The following FRS2 variants were observed in gnomAD, a reference collection of about 807,000 sequenced individuals.
The protein encoded by FRS2 is fibroblast growth factor receptor substrate 2.
FRS2 carries 8 observed loss-of-function variants against 43.9 expected under a neutral mutation model. The observed-to-expected ratio is 0.18, with a 90% confidence interval of 0.11 to 0.33. The LOEUF is 0.33. Ranked by LOEUF, FRS2 falls within the 10% of genes least tolerant of loss-of-function variation. FRS2 has a pLI of 1.00. For synonymous variants in FRS2, 219 were observed against 220.3 expected (o/e 0.99, Z 0.05); for missense variants, 534 against 627.6 (o/e 0.85, Z 1.59).
At chr12:69,513,085 A>T (rs1175812826) in intron 1 of FRS2, among the ~76,000 whole-genome samples, 1 of 151,618 alleles carries the variant, frequency 6.6e-6, no homozygotes, top group African/African-American at 2.4e-5. Flanking sequence ...CTAATGCATG[A>T]GCATGAACCT....
At chr12:69,560,515 G>A (rs1879794829) in intron 3 of FRS2, among the ~76,000 whole-genome samples, 1 of 152,200 alleles carries the variant, frequency 6.6e-6, no homozygotes, top group African/African-American at 2.4e-5. Context: ...GGGCTTTGGT[G>A]TCAGATCAAA....
At chr12:69,537,216 A>G (rs756045851) in intron 3 of FRS2, among the ~76,000 whole-genome samples, 3 of 152,218 alleles carry the variant, frequency 2.0e-5, no homozygotes, top group Non-Finnish European at 2.9e-5. Flanking sequence ...TTATGCACAC[A>G]TACAGAATTT....
At chr12:69,489,172 C>G (rs1872226410) in intron 1 of FRS2, among the ~76,000 whole-genome samples, 1 of 152,186 alleles carries the variant, frequency 6.6e-6, no homozygotes, top group South Asian at 2.1e-4. Context: ...AGCATGTACT[C>G]TTACCTTCTG....
intron 1 of FRS2, among the ~76,000 whole-genome samples, chr12:69,509,459 T>A (rs569667472): frequency 1.3e-5 from 2 of 152,202 alleles, no homozygotes. Flanking sequence ...ATAACAAAAT[T>A]TACGGCTACA....
chr12:69,513,902 T>A (rs1284917609), intron 1 of FRS2, among the ~76,000 whole-genome samples: 1 of 152,160 alleles, frequency 6.6e-6, no homozygotes, highest in Non-Finnish European at 1.5e-5. Flanking sequence ...TTGAAATAAA[T>A]CTAAATCTGC....
chr12:69,549,575 A>G (rs969025221), intron 3 of FRS2, among the ~76,000 whole-genome samples: 27 of 152,350 alleles, frequency 1.8e-4, no homozygotes, highest in Middle Eastern at 3.4e-3. Flanking sequence ...TTGGGAACTC[A>G]GCATTTAAAG....
chr12:69,547,111 T>A (rs762302946), intron 3 of FRS2, among the ~76,000 whole-genome samples: 1 of 152,202 alleles, frequency 6.6e-6, no homozygotes, highest in Non-Finnish European at 1.5e-5. Flanking sequence ...AATAAGCCAG[T>A]CACACAAAGA....
At chr12:69,476,615 G>C (rs1355689809) in intron 1 of FRS2, among the ~76,000 whole-genome samples, 1 of 152,074 alleles carries the variant, frequency 6.6e-6, no homozygotes, top group South Asian at 2.1e-4. Flanking sequence ...GGTTATGTAA[G>C]TGGAGTCACA....
At chr12:69,521,899 C>T (rs1875696286) in intron 1 of FRS2, among the ~76,000 whole-genome samples, 1 of 152,196 alleles carries the variant, frequency 6.6e-6, no homozygotes. Flanking sequence ...TAGGCGTGAG[C>T]CACCGCGCCC....
chr12:69,563,843 TC>T (rs1375461041), intron 4 of FRS2, among the ~76,000 whole-genome samples: 1 of 152,186 alleles, frequency 6.6e-6, no homozygotes, highest in Non-Finnish European at 1.5e-5. Flanking sequence ...TCCTCTCTCC[TC>T]AGAGAATGAA....
chr12:69,565,099 A>T (rs1259692150), intron 4 of FRS2, among the ~76,000 whole-genome samples: 1 of 152,226 alleles, frequency 6.6e-6, no homozygotes, highest in South Asian at 2.1e-4. Context: ...TACACCTAGG[A>T]TATATGGTAT....
intron 1 of FRS2, among the ~76,000 whole-genome samples, chr12:69,523,637 T>C (rs541296000): frequency 6.5e-4 from 99 of 152,336 alleles, no homozygotes; most frequent in Non-Finnish European, 1.1e-3. Context: ...CTTGTTATGC[T>C]GACTTTTTTG....
At chr12:69,551,383 AGT>A (rs3970808) in intron 3 of FRS2, among the ~76,000 whole-genome samples, 107,489 of 151,876 alleles carry the variant, frequency 0.71, 38,544 homozygotes, top group South Asian at 0.84. Context: ...CCCAACTACC[AGT>A]AATTATATGT....
chr12:69,478,387 G>T (rs904040334), intron 1 of FRS2, among the ~76,000 whole-genome samples: 1 of 151,982 alleles, frequency 6.6e-6, no homozygotes. Flanking sequence ...TGTTATAGGA[G>T]AACTAAATTT....
intron 1 of FRS2, among the ~76,000 whole-genome samples, chr12:69,476,753 C>CGGGGGGGGAG (rs1870812294): frequency 1.2e-5 from 1 of 80,110 alleles, no homozygotes. Context: ...GGGGGAGGGA[C>CGGGGGGGGAG]GGGGGGGGGT....
rs11177723 is a variant in FRS2 at position 69,571,176 on chromosome 12, C to T, written c.254-100C>T. On this transcript the variant is annotated intron_variant, in intron 6 of 8. Transcript: ENST00000549921. ...TTTAAAAGGGATTTCTGACTCGGTG[C>T]GTAGAATGCTTACTTTACAATTCTG... 3,752 of 669,132 alleles carry T rather than the reference C, an allele frequency of 5.6e-3. 12 individuals carry two copies. Among genetic ancestry groups the T allele is most frequent in the Non-Finnish European group, 7.6e-3 (3,043 of 399,798 alleles). 41.4% of individuals were successfully genotyped at this position (669,132 alleles called of 1,614,324 possible).
chr12:69,497,200 T>C (rs1262704094), intron 1 of FRS2, among the ~76,000 whole-genome samples: 1 of 152,260 alleles, frequency 6.6e-6, no homozygotes, highest in East Asian at 1.9e-4. Context: ...CAAACAGATA[T>C]ATAATTCATT....
chr12:69,540,564 GAATA>G lies in FRS2; in HGVS notation c.-122+8514_-122+8517del, dbSNP rs1231992450. On this transcript the variant is annotated intron_variant, in intron 3 of 8. Transcript: ENST00000549921. The stretch of plus-strand genomic sequence containing the variant: ...TGATTGAATAAATGAATAAATGATT[GAATA>G]AATAAGTAAATGGAGAAGAGACAAA... Among the ~76,000 whole-genome samples the G allele has an allele frequency of 3.3e-5, 5 of 152,306 alleles. No homozygotes were observed. In the East Asian group the frequency reaches 7.7e-4, roughly 23 times the overall value.
intron 1 of FRS2, among the ~76,000 whole-genome samples, chr12:69,516,865 A>G (rs1004826278): frequency 3.3e-5 from 5 of 152,334 alleles, no homozygotes; most frequent in South Asian, 2.1e-4. Flanking sequence ...TTCTTATACA[A>G]ACTTTTTAGT....
Sources: gnomAD v4.1 joint callset for allele counts (sites outside exome capture counted in the v4.1 genomes callset) on GRCh38, gnomAD v4.1.1 for gene constraint, MANE v1.5 for transcripts, NCBI Gene and HGNC (gene_info 2026-07-23, HGNC 2026-07-21) for gene names.